TRAPPC9: variants seen among roughly 807,000 people sequenced by gnomAD.
TRAPPC9 encodes the protein trafficking protein particle complex subunit 9, also known as IKK2 binding protein.
In TRAPPC9, 83 loss-of-function variants were observed where a neutral mutation model predicts 124.0. The ratio of observed to expected loss-of-function variants is 0.67; its 90% CI spans 0.56 to 0.80. The LOEUF is 0.80. Among genes scored for constraint, TRAPPC9 ranks in the 30% least tolerant of loss-of-function variants. TRAPPC9 has a pLI of 0.00. For missense variants in TRAPPC9, 1,302 were observed against 1,508.3 expected, an observed-to-expected ratio of 0.86 and a Z score of 2.27; for synonymous variants, 638 against 617.5, an observed-to-expected ratio of 1.03 and a Z score of -0.49.
At chr8:139,973,639 C>T (rs944971859) in intron 19 of TRAPPC9, among the ~76,000 whole-genome samples, 13 of 152,190 alleles carry the variant, frequency 8.5e-5, no homozygotes, top group African/African-American at 2.9e-4. Flanking sequence ...AAGTAGTTTC[C>T]GGCCTCTGGA....
chr8:140,294,064 G>A (rs1375159203), intron 11 of TRAPPC9, among the ~76,000 whole-genome samples: 3 of 151,968 alleles, frequency 2.0e-5, no homozygotes, highest in Non-Finnish European at 2.9e-5. Flanking sequence ...AGGCTGGCCC[G>A]CCTGCCTGTC....
At chr8:140,032,421 C>T (rs1279222519) in intron 17 of TRAPPC9, among the ~76,000 whole-genome samples, 3 of 152,194 alleles carry the variant, frequency 2.0e-5, no homozygotes, top group African/African-American at 7.2e-5. Flanking sequence ...CCCCACCCTC[C>T]TCCAGCCAGC....
intron 17 of TRAPPC9, among the ~76,000 whole-genome samples, chr8:140,211,481 C>T (rs1316991914): frequency 1.3e-5 from 2 of 152,078 alleles, no homozygotes; most frequent in Non-Finnish European, 2.9e-5. Flanking sequence ...ATCACTTGAG[C>T]CCAGGAGGTC....
intron 19 of TRAPPC9, chr8:139,933,013 C>T (rs948757751): frequency 1.3e-4 from 20 of 156,886 alleles, no homozygotes; most frequent in African/African-American, 4.3e-4. Flanking sequence ...AAAGCCACTA[C>T]TTCCAGAAGC....
At chr8:140,340,724 G>A (rs894491409) in intron 9 of TRAPPC9, among the ~76,000 whole-genome samples, 2 of 152,186 alleles carry the variant, frequency 1.3e-5, no homozygotes, top group Admixed American at 6.5e-5. Context: ...GTCCTCTGCT[G>A]AATTAAAGCA....
At chr8:139,983,585 G>A (rs78001906) in intron 19 of TRAPPC9, among the ~76,000 whole-genome samples, 1,619 of 152,194 alleles carry the variant, frequency 0.011, 30 homozygotes, top group African/African-American at 0.037. Context: ...CTGGCACCTC[G>A]GAGATACACA....
At chr8:140,005,159 T>C (rs1448840283) in intron 18 of TRAPPC9, among the ~76,000 whole-genome samples, 1 of 152,206 alleles carries the variant, frequency 6.6e-6, no homozygotes, top group Non-Finnish European at 1.5e-5. Flanking sequence ...CGGAGGACTA[T>C]GAATGACTAC....
At chr8:140,213,825 C>CTA (rs2063124640) in intron 17 of TRAPPC9, among the ~76,000 whole-genome samples, 1 of 152,230 alleles carries the variant, frequency 6.6e-6, no homozygotes, top group Admixed American at 6.5e-5. Context: ...TTCCAGCAAG[C>CTA]TATAAGCAGG....
chr8:139,753,434 T>C (rs1195911583), intron 21 of TRAPPC9, among the ~76,000 whole-genome samples: 1 of 152,094 alleles, frequency 6.6e-6, no homozygotes, highest in East Asian at 1.9e-4. Flanking sequence ...CCCCTTTCCT[T>C]CCTCCCTCCC....
chr8:140,325,705 C>T (rs949102171), intron 9 of TRAPPC9, among the ~76,000 whole-genome samples: 1 of 152,202 alleles, frequency 6.6e-6, no homozygotes, highest in Non-Finnish European at 1.5e-5. Context: ...ATATCAATCT[C>T]ATACAAACTC....
chr8:140,198,988 G>A (rs1403945482), intron 17 of TRAPPC9, among the ~76,000 whole-genome samples: 3 of 152,322 alleles, frequency 2.0e-5, no homozygotes, highest in East Asian at 1.9e-4. Flanking sequence ...CAGGCTGAAC[G>A]CGGCAACACC....
At chr8:140,404,753 T>C (rs1173736736) in intron 6 of TRAPPC9, among the ~76,000 whole-genome samples, 1 of 151,958 alleles carries the variant, frequency 6.6e-6, no homozygotes, top group Non-Finnish European at 1.5e-5. Flanking sequence ...TGAGCATGTG[T>C]GTACGTGCAT....
intron 13 of TRAPPC9, among the ~76,000 whole-genome samples, chr8:140,286,250 G>C (rs1237128553): frequency 6.6e-6 from 1 of 152,192 alleles, no homozygotes; most frequent in Non-Finnish European, 1.5e-5. Flanking sequence ...TAGGAGGGGA[G>C]AGGCAGAGAG....
Position 140,397,218 on chromosome 8 carries a change from C to T in TRAPPC9, c.1134+402G>A, listed in dbSNP as rs117215711. Among the ~76,000 whole-genome samples the T allele has an allele frequency of 5.6e-4, 85 of 152,316 alleles. No homozygotes were observed. The East Asian group carries it at 0.015, about 28-fold the overall frequency. ...TAAAGTATTATTTGCTGGGTTACCA[C>T]TGTGTCAAAGGAGCTATATAAGTGC... On this transcript the variant is annotated intron_variant, in intron 7 of 22. Coordinates refer to ENST00000438773, the MANE Select transcript of TRAPPC9 (RefSeq NM_001160372.4).
chr8:140,318,572 T>G (rs1484142334), intron 9 of TRAPPC9, among the ~76,000 whole-genome samples: 2 of 152,392 alleles, frequency 1.3e-5, no homozygotes, highest in Admixed American at 1.3e-4. Flanking sequence ...TTCTACTCTC[T>G]GCTTCTATGA....
chr8:139,998,485 A>G (rs1476289135), intron 18 of TRAPPC9, among the ~76,000 whole-genome samples: 1 of 152,182 alleles, frequency 6.6e-6, no homozygotes, highest in Non-Finnish European at 1.5e-5. Flanking sequence ...TTGGGAGGCC[A>G]AGGCGGGTGG....
chr8:140,448,660 GGCCACTCCCT>G, intron 2 of TRAPPC9, among the ~76,000 whole-genome samples: 1 of 152,352 alleles, frequency 6.6e-6, no homozygotes, highest in African/African-American at 2.4e-5. Flanking sequence ...AGCAGGGGCA[GGCCACTCCCT>G]GCCGACCTGG....
At chr8:140,297,087 G>A (rs1263739523) in intron 11 of TRAPPC9, among the ~76,000 whole-genome samples, 1 of 152,206 alleles carries the variant, frequency 6.6e-6, no homozygotes, top group Non-Finnish European at 1.5e-5. Context: ...AACACAGTGA[G>A]GACAGGATTT....
intron 17 of TRAPPC9, among the ~76,000 whole-genome samples, chr8:140,090,578 T>C (rs546274568): frequency 1.3e-5 from 2 of 152,228 alleles, no homozygotes; most frequent in Non-Finnish European, 2.9e-5. Context: ...AGCTAATCCA[T>C]AATTCCAGAT....
Sources: gnomAD v4.1 joint callset for allele counts (sites outside exome capture counted in the v4.1 genomes callset) on GRCh38, gnomAD v4.1.1 for gene constraint, MANE v1.5 for transcripts, NCBI Gene and HGNC (gene_info 2026-07-23, HGNC 2026-07-21) for gene names.